SLC8A1: variants seen among roughly 807,000 people sequenced by gnomAD.
SLC8A1 encodes the protein solute carrier family 8 member A1.
SLC8A1 carries 18 observed loss-of-function variants against 68.3 expected under a neutral mutation model. That is an observed-to-expected ratio of 0.26 (90% CI 0.18 to 0.39). The LOEUF (loss-of-function observed/expected upper bound fraction) is 0.39. SLC8A1 is among the 10% of genes least tolerant of loss of function. The pLI, the probability that SLC8A1 is intolerant of heterozygous loss-of-function variation, is 1.00. For synonymous variants in SLC8A1, 475 were observed against 415.5 expected, an observed-to-expected ratio of 1.14 and a Z score of -1.74; for missense variants, 985 against 1,156.7, an observed-to-expected ratio of 0.85 and a Z score of 2.15.
chr2:40,260,652 A>G (rs1429227301), intron 2 of SLC8A1, among the ~76,000 whole-genome samples: 8 of 152,234 alleles, frequency 5.3e-5, no homozygotes, highest in Non-Finnish European at 1.2e-4. Flanking sequence ...GGAAATGAGA[A>G]AGAAAAAGAG....
intron 2 of SLC8A1, among the ~76,000 whole-genome samples, chr2:40,281,319 G>A (rs1007644600): frequency 7.2e-5 from 11 of 152,140 alleles, no homozygotes; most frequent in African/African-American, 2.7e-4. Flanking sequence ...TGAGAGAAAT[G>A]GGAACTGTTT....
chr2:40,447,776 GA>G (rs1701724751), intron 1 of SLC8A1, among the ~76,000 whole-genome samples: 1 of 152,100 alleles, frequency 6.6e-6, no homozygotes, highest in Non-Finnish European at 1.5e-5. Flanking sequence ...TTGAACCTGG[GA>G]ATGCTTTGCC....
chr2:40,212,202 A>G (rs943982306), intron 2 of SLC8A1, among the ~76,000 whole-genome samples: 3 of 151,338 alleles, frequency 2.0e-5, no homozygotes, highest in Admixed American at 1.3e-4. Flanking sequence ...AATCTAAGGG[A>G]AGACTTTTAA....
At chr2:40,134,844 G>A (rs1272634800) in intron 7 of SLC8A1, among the ~76,000 whole-genome samples, 4 of 152,120 alleles carry the variant, frequency 2.6e-5, no homozygotes, top group Non-Finnish European at 5.9e-5. Flanking sequence ...TAGATTAGTG[G>A]ACAGAGTTAG....
chr2:40,306,776 C>G (rs545400502), intron 2 of SLC8A1, among the ~76,000 whole-genome samples: 7 of 152,100 alleles, frequency 4.6e-5, no homozygotes, highest in Non-Finnish European at 1.0e-4. Flanking sequence ...GGCTCCACGG[C>G]TGGTTGGCCA....
At chr2:40,510,870 A>C (rs1706678599) in intron 1 of SLC8A1, among the ~76,000 whole-genome samples, 1 of 152,194 alleles carries the variant, frequency 6.6e-6, no homozygotes, top group Non-Finnish European at 1.5e-5. Flanking sequence ...TTTAATAATT[A>C]TAGTGCACTA....
At chr2:40,137,064 G>T (rs1455000016) in intron 7 of SLC8A1, among the ~76,000 whole-genome samples, 3 of 152,254 alleles carry the variant, frequency 2.0e-5, no homozygotes, top group African/African-American at 7.2e-5. Context: ...GTCTCCACCT[G>T]GCTTCTGAGT....
chr2:40,202,515 G>A (rs2054577333), intron 2 of SLC8A1, among the ~76,000 whole-genome samples: 1 of 151,904 alleles, frequency 6.6e-6, no homozygotes, highest in Non-Finnish European at 1.5e-5. Flanking sequence ...TTGCATTTCT[G>A]AATAGAAGGG....
At chr2:40,411,776 C>T (rs1692233376) in intron 2 of SLC8A1, among the ~76,000 whole-genome samples, 2 of 151,998 alleles carry the variant, frequency 1.3e-5, no homozygotes, top group South Asian at 4.1e-4. Context: ...TATACCTGTA[C>T]ACACTAAAAT....
chr2:40,273,518 A>G (rs886787948), intron 2 of SLC8A1, among the ~76,000 whole-genome samples: 1 of 152,186 alleles, frequency 6.6e-6, no homozygotes, highest in African/African-American at 2.4e-5. Context: ...TTTGGGAGAA[A>G]AAAGCTTGAT....
intron 1 of SLC8A1, among the ~76,000 whole-genome samples, chr2:40,440,704 G>A (rs1179717873): frequency 3.3e-5 from 5 of 152,144 alleles, no homozygotes; most frequent in African/African-American, 9.7e-5. Flanking sequence ...AATAGACGCA[G>A]AAAAGGCATT....
Position 40,277,804 on chromosome 2 carries a change from A to G in SLC8A1, c.1809-99949T>C, listed in dbSNP as rs1001417793. ...TATATATATATGTGTGTATATATAT[A>G]TATATATATATATATATATATATAT... is the stretch of plus-strand genomic sequence containing the variant. On this transcript the variant is annotated intron_variant, in intron 2 of 7. Transcript: ENST00000406785. Among the ~76,000 whole-genome samples, 39 of 89,572 alleles carry G rather than the reference A, an allele frequency of 4.4e-4. 1 individual carries two copies. The highest frequency in any genetic ancestry group is 1.4e-3 in the African/African-American group (34 of 24,846). 58.8% of individuals were successfully genotyped at this position (89,572 alleles called of 152,430 possible).
intron 2 of SLC8A1, among the ~76,000 whole-genome samples, chr2:40,367,968 TC>T (rs1676802882): frequency 6.6e-6 from 1 of 152,046 alleles, no homozygotes; most frequent in Non-Finnish European, 1.5e-5. Flanking sequence ...TTCATATTTC[TC>T]CCCACTGAAT....
intron 7 of SLC8A1, among the ~76,000 whole-genome samples, 162 bp downstream of exon 10, chr2:40,139,239 C>T (rs1028104066): frequency 6.6e-6 from 1 of 152,124 alleles, no homozygotes; most frequent in African/African-American, 2.4e-5. Context: ...TGAGAAGGGC[C>T]ATGACAATGT....
intron 7 of SLC8A1, among the ~76,000 whole-genome samples, chr2:40,123,810 C>G (rs2037459750): frequency 1.3e-5 from 2 of 152,158 alleles, no homozygotes; most frequent in African/African-American, 2.4e-5. Context: ...AAACAAATAG[C>G]TGAATTAATT....
intron 1 of SLC8A1, among the ~76,000 whole-genome samples, chr2:40,431,100 C>A (rs1422036034): frequency 6.6e-6 from 1 of 152,146 alleles, no homozygotes; most frequent in Non-Finnish European, 1.5e-5. Context: ...AGCAGCTGGG[C>A]ATCTGGTTCT....
intron 2 of SLC8A1, among the ~76,000 whole-genome samples, chr2:40,298,431 G>T (rs1312220627): frequency 6.6e-6 from 1 of 152,138 alleles, no homozygotes; most frequent in Non-Finnish European, 1.5e-5. Flanking sequence ...TGGGTTTTAT[G>T]AAGACAGTCT....
intron 2 of SLC8A1, chr2:40,209,822 G>C (rs947493838): frequency 8.5e-5 from 13 of 152,504 alleles, no homozygotes; most frequent in Admixed American, 8.5e-4. Context: ...AGACACAGGA[G>C]GGGAGGCACT....
At chr2:40,201,715 A>G (rs1161122438) in intron 2 of SLC8A1, among the ~76,000 whole-genome samples, 1 of 151,904 alleles carries the variant, frequency 6.6e-6, no homozygotes, top group Non-Finnish European at 1.5e-5. Context: ...TCATAGAAAC[A>G]CCTTACCAGT....
Sources: gnomAD v4.1 joint callset for allele counts (sites outside exome capture counted in the v4.1 genomes callset) on GRCh38, gnomAD v4.1.1 for gene constraint, MANE v1.5 for transcripts, NCBI Gene and HGNC (gene_info 2026-07-23, HGNC 2026-07-21) for gene names.